The following HERC3 variants were observed in gnomAD, a reference collection of about 807,000 sequenced individuals.
HERC3 encodes probable E3 ubiquitin-protein ligase HERC3.
A neutral mutation model predicts 129.9 loss-of-function variants in HERC3; 58 were observed. The observed-to-expected ratio is 0.45, with a 90% CI of 0.36 to 0.56. HERC3 has a LOEUF of 0.56. Among genes scored for constraint, HERC3 ranks in the 20% least tolerant of loss-of-function variants. The pLI is 0.00. For synonymous variants in HERC3, 430 were observed against 451.0 expected, an observed-to-expected ratio of 0.95 and a Z score of 0.59; for missense variants, 835 against 1,244.2, an observed-to-expected ratio of 0.67 and a Z score of 4.95.
chr4:88,687,156 G>A (rs1270525640), intron 22 of HERC3, 61 bp from the exon 23 acceptor site: 1 of 1,307,400 alleles, frequency 7.6e-7, no homozygotes, highest in Non-Finnish European at 1.1e-6. Flanking sequence ...AGTCATTTGA[G>A]TTCTAGAAAG....
chr4:88,562,453 G>C, the HERC3 span, among the ~76,000 whole-genome samples: 2 of 151,992 alleles, frequency 1.3e-5, no homozygotes, highest in Non-Finnish European at 2.9e-5. Context: ...TATTCTTTGA[G>C]TTGTCTCTTC....
Position 88,692,990 on chromosome 4 carries a change from CAT to C in HERC3, c.2657+5693_2657+5694del, listed in dbSNP as rs1734233026. Reference sequence around the variant, plus strand: ...AAAGCAAAATTGTAATAGTTAAAAACATAACTAATATACATATGGAATGGAAT... The same window carrying C: ...AAAGCAAAATTGTAATAGTTAAAAACAACTAATATACATATGGAATGGAAT... On this transcript the variant is annotated intron_variant, in intron 23 of 25. Coordinates refer to ENST00000402738, the MANE Select transcript of HERC3 (RefSeq NM_014606.3). 4 of 976,694 alleles carry C rather than the reference CAT, an allele frequency of 4.1e-6. No individual in the cohort carries two copies. The Admixed American group carries it at 1.8e-4, about 45-fold the overall frequency. The allele number at this position is 976,694 out of a possible 1,614,324, so 60.5% of individuals were successfully genotyped here. A position where few individuals can be genotyped will look rare whatever the true frequency, so the allele number is the denominator to read the frequency against.
intron 20 of HERC3, 103 bp from the exon 21 acceptor site, chr4:88,681,056 C>G: frequency 6.8e-7 from 1 of 1,467,970 alleles, no homozygotes; most frequent in Non-Finnish European, 9.0e-7. Context: ...TTAATGAGAC[C>G]TTTATTCTTT....
rs140135125 is a variant in HERC3 at position 88,678,028 on chromosome 4, C to T, written c.2090C>T (p.Ala697Val). 1.5e-5 allele frequency: 24 copies of T among 1,613,898 alleles called. No homozygotes were observed. The Admixed American group carries it at 4.0e-4, about 27-fold the overall frequency. Residue 697 changes from alanine to valine, a missense_variant, in exon 19 of 26, where the codon GCC (alanine) becomes GTC (valine). Physicochemically the swap from Ala to Val is moderately conservative, Grantham distance 64. Transcript: ENST00000402738. ...CTTCTCACCCTGGAGCCTCTGCTGG[C>T]CAGAAGCCCCTTCCTGGTCCTTCAC... The part of the protein sequence containing the change: ...FMLLTLEPLL[A>V]RSPFLVLHVR...
At chr4:88,629,895 A>C (rs948503997) in intron 3 of HERC3, among the ~76,000 whole-genome samples, 1 of 152,174 alleles carries the variant, frequency 6.6e-6, no homozygotes, top group African/African-American at 2.4e-5. Context: ...TTTACAGTTA[A>C]ACTATGTCAG....
intron 3 of HERC3, among the ~76,000 whole-genome samples, chr4:88,646,246 A>T (rs145968083): frequency 6.6e-6 from 1 of 152,288 alleles, no homozygotes; most frequent in Non-Finnish European, 1.5e-5. Flanking sequence ...CATCCTTCTC[A>T]GTTACCATCT....
chr4:88,624,223 T>C (rs780360271), intron 3 of HERC3, among the ~76,000 whole-genome samples: 1 of 152,260 alleles, frequency 6.6e-6, no homozygotes, highest in Non-Finnish European at 1.5e-5. Flanking sequence ...AAAACTGTTA[T>C]GAACATTCAA....
intron 21 of HERC3, among the ~76,000 whole-genome samples, chr4:88,682,472 A>AC (rs951318540): frequency 7.0e-5 from 4 of 57,480 alleles, no homozygotes; most frequent in African/African-American, 2.2e-4. Flanking sequence ...TCCTTCCCCG[A>AC]CCCCCCCACC....
At chr4:88,644,804 C>T (rs944927610) in intron 3 of HERC3, among the ~76,000 whole-genome samples, 1 of 152,082 alleles carries the variant, frequency 6.6e-6, no homozygotes, top group African/African-American at 2.4e-5. Flanking sequence ...GGTTTCAGTG[C>T]CTTGGCTCAG....
intron 1 of HERC3, among the ~76,000 whole-genome samples, chr4:88,593,968 A>G (rs905992816): frequency 2.0e-5 from 3 of 152,190 alleles, no homozygotes; most frequent in African/African-American, 7.2e-5. Flanking sequence ...TGAATTACAT[A>G]TTTTACATCA....
intron 21 of HERC3, among the ~76,000 whole-genome samples, chr4:88,683,356 A>G (rs138314181): frequency 1.8e-4 from 27 of 152,302 alleles, no homozygotes; most frequent in African/African-American, 5.5e-4. Context: ...TAGGACACCA[A>G]TACTGAGAAA....
chr4:88,639,797 A>G (rs764279594), intron 3 of HERC3, among the ~76,000 whole-genome samples: 1 of 152,214 alleles, frequency 6.6e-6, no homozygotes, highest in African/African-American at 2.4e-5. Flanking sequence ...TGAACAGGCA[A>G]CCTACAAAAT....
At position 88,617,175 on chromosome 4, in the gene HERC3, C is replaced by CAAAA. The variant is rs1162260456; in HGVS notation, c.226+11149_226+11152dup. Among the ~76,000 whole-genome samples the CAAAA allele has an allele frequency of 4.4e-4, 14 of 31,856 alleles. 1 individual carries two copies. The highest frequency in any genetic ancestry group is 2.2e-3 in the East Asian group (2 of 912). The allele number at this position is 31,856 out of a possible 152,430, so 20.9% of individuals were successfully genotyped here. A position where few individuals can be genotyped will look rare whatever the true frequency, so the allele number is the denominator to read the frequency against. The stretch of plus-strand genomic sequence containing the variant: ...GTGCAATATAGTAAGACCCTGTCTC[C>CAAAA]AAAAAAAAAAAAAAAAAAAAAAAAA... On this transcript the variant is annotated intron_variant, in intron 3 of 25. Transcript: ENST00000402738.
chr4:88,610,615 CT>C (rs964139921), intron 3 of HERC3, among the ~76,000 whole-genome samples: 1 of 152,152 alleles, frequency 6.6e-6, no homozygotes, highest in African/African-American at 2.4e-5. Flanking sequence ...CCTTGTCTGT[CT>C]TCTCTGTGGC....
chr4:88,563,269 G>T, the HERC3 span, among the ~76,000 whole-genome samples: 3 of 152,152 alleles, frequency 2.0e-5, no homozygotes, highest in South Asian at 6.2e-4. Context: ...TGTAAATCAG[G>T]TTGCTTTGTT....
At chr4:88,686,989 G>C (rs1054457049) in intron 22 of HERC3, among the ~76,000 whole-genome samples, 187 bp downstream of exon 22, 2 of 152,166 alleles carry the variant, frequency 1.3e-5, no homozygotes, top group Non-Finnish European at 2.9e-5. Flanking sequence ...ATGAATGAAT[G>C]ATTAATCTGT....
chr4:88,636,530 C>G (rs910933555), intron 3 of HERC3, among the ~76,000 whole-genome samples: 3 of 152,154 alleles, frequency 2.0e-5, no homozygotes, highest in Non-Finnish European at 4.4e-5. Context: ...GAGTTAGACT[C>G]CCACACAATA....
At chr4:88,590,735 T>C (rs1280123482), upstream of HERC3, among the ~76,000 whole-genome samples, 12 of 152,344 alleles carry the variant, frequency 7.9e-5, no homozygotes, top group East Asian at 2.3e-3. Context: ...AGACTCCTCT[T>C]TGGGCATTTA....
the HERC3 span, among the ~76,000 whole-genome samples, chr4:88,538,311 C>T: frequency 6.6e-6 from 1 of 152,136 alleles, no homozygotes; most frequent in Non-Finnish European, 1.5e-5. Flanking sequence ...CACTGTACAC[C>T]ATGGAGTATC....
Sources: allele counts gnomAD v4.1 joint callset (sites outside exome capture counted in the v4.1 genomes callset), GRCh38; gene constraint gnomAD v4.1.1; transcripts MANE v1.5; gene names NCBI Gene and HGNC (gene_info 2026-07-23, HGNC 2026-07-21).